UBXN4: variants seen among roughly 807,000 people sequenced by gnomAD.
UBXN4 encodes UBX domain protein 4.
A neutral mutation model predicts 66.2 loss-of-function variants in UBXN4; 35 were observed. That is an observed-to-expected ratio of 0.53 (90% CI 0.40 to 0.70). UBXN4 has a LOEUF of 0.70. Ranked by LOEUF, UBXN4 falls within the 30% of genes least tolerant of loss-of-function variation. UBXN4 has a pLI of 0.00. For synonymous variants in UBXN4, 203 were observed against 204.5 expected, an observed-to-expected ratio of 0.99 and a Z score of 0.06; for missense variants, 533 against 599.8, an observed-to-expected ratio of 0.89 and a Z score of 1.16.
intron 6 of UBXN4, among the ~76,000 whole-genome samples, chr2:135,765,249 G>A (rs1320405231): frequency 1.4e-5 from 2 of 145,740 alleles, no homozygotes; most frequent in African/African-American, 5.1e-5. Flanking sequence ...TGCTCTTGTC[G>A]CCCAAGCTGG....
chr2:135,756,222 T>G (rs1290302930), intron 5 of UBXN4, among the ~76,000 whole-genome samples: 1 of 152,132 alleles, frequency 6.6e-6, no homozygotes, highest in Admixed American at 6.6e-5. Context: ...TGGAGTTGTT[T>G]GGTGTAATAT....
rs531946665 is a variant in UBXN4, at chr2:135,764,942, T to C, written c.602+3031T>C. Among the ~76,000 whole-genome samples the C allele has an allele frequency of 3.3e-5, 5 of 152,148 alleles. No homozygotes were observed. In the South Asian group the frequency reaches 8.3e-4, roughly 25 times the overall value. On this transcript the variant is annotated intron_variant, in intron 6 of 12. Coordinates refer to ENST00000272638, the MANE Select transcript of UBXN4 (RefSeq NM_014607.4). ...GGTCCTCGTACCTCAGCTTCCTGAG[T>C]ATCTGGGATTACAGGTATGCGCCAC... is the stretch of plus-strand genomic sequence containing the variant.
At chr2:135,745,559 G>A (rs911740204) in intron 1 of UBXN4, among the ~76,000 whole-genome samples, 1 of 152,102 alleles carries the variant, frequency 6.6e-6, no homozygotes, top group Non-Finnish European at 1.5e-5. Context: ...ACAGTTCAAT[G>A]CCTAGAACAA....
chr2:135,761,801 T>G lies in UBXN4; in HGVS notation c.509-17T>G. The G allele has an allele frequency of 6.3e-7, 1 of 1,577,124 alleles. No individual in the cohort carries two copies. The highest frequency in any genetic ancestry group is 1.2e-5 in the South Asian group (1 of 84,304). ...ATTAAATGCAGTATTCTTATTTCTT[T>G]TTATTTAATAATTAAGGAGGAGAAA... On this transcript the variant is annotated splice_polypyrimidine_tract_variant and intron_variant, in intron 5 of 12. Coordinates refer to ENST00000272638, the MANE Select transcript of UBXN4 (RefSeq NM_014607.4).
At chr2:135,758,951 G>A (rs1241037392) in intron 5 of UBXN4, among the ~76,000 whole-genome samples, 2 of 152,102 alleles carry the variant, frequency 1.3e-5, no homozygotes, top group African/African-American at 4.8e-5. Flanking sequence ...TAGAGACGGG[G>A]TTTCACCATG....
At position 135,780,352 on chromosome 2, in the gene UBXN4, C is replaced by A; in HGVS notation, c.1355C>A (p.Pro452Gln). ...GTGAGAGTAACATCGTCAGAACCCC[C>A]AAACCCTGCATCATCTAGCAAATCA... is the stretch of plus-strand genomic sequence containing the variant. ...TSVRVTSSEP[P>Q]NPASSSKSEK... is the part of the protein sequence containing the mutation. Residue 452 changes from proline (P) to glutamine (Q), a missense_variant, in exon 12 of 13, where the codon CCA becomes CAA. By Grantham distance (76) the Pro-to-Gln change is moderately conservative. Transcript: ENST00000272638. The A allele has an allele frequency of 6.2e-7, 1 of 1,614,156 alleles. No homozygotes were observed. Among genetic ancestry groups the A allele is most frequent in the African/African-American group, 1.3e-5 (1 of 75,048 alleles).
At chr2:135,760,633 A>G (rs1198858985) in intron 5 of UBXN4, among the ~76,000 whole-genome samples, 1 of 152,140 alleles carries the variant, frequency 6.6e-6, no homozygotes, top group Non-Finnish European at 1.5e-5. Context: ...TATCTTCATA[A>G]GATGTTAAAT....
chr2:135,761,871 G>A lies in UBXN4; in HGVS notation c.562G>A (p.Asp188Asn), dbSNP rs1288787752. The A allele has an allele frequency of 6.2e-7, 1 of 1,613,710 alleles. No individual in the cohort carries two copies. Among genetic ancestry groups the A allele is most frequent in the African/African-American group, 1.3e-5 (1 of 74,928 alleles). The change falls in exon 6 of 13, where the codon GAT (aspartate) becomes AAT (asparagine). Residue 188 changes from aspartate (D) to asparagine (N), a missense_variant. Transcript: ENST00000272638. ...TSSQEPSGCS[D>N]QRPAEDLNIR... Reference sequence around the variant, plus strand: ...CTCTCAGGAGCCTAGTGGATGCTCAGATCAGAGACCTGCAGAGGACCTCAA... The same window carrying A: ...CTCTCAGGAGCCTAGTGGATGCTCAAATCAGAGACCTGCAGAGGACCTCAA...
intron 1 of UBXN4, among the ~76,000 whole-genome samples, chr2:135,747,076 T>G (rs2077211632): frequency 6.6e-6 from 1 of 152,132 alleles, no homozygotes; most frequent in Non-Finnish European, 1.5e-5. Flanking sequence ...ACTAGTTTTT[T>G]GGCCTGAGAA....
At chr2:135,774,385 A>G (rs979307878) in intron 9 of UBXN4, among the ~76,000 whole-genome samples, 2 of 152,246 alleles carry the variant, frequency 1.3e-5, no homozygotes, top group African/African-American at 4.8e-5. Flanking sequence ...AAGTAAAACT[A>G]TAAAATATAT....
chr2:135,761,958 G>A (rs1412059180), intron 6 of UBXN4, 47 bp downstream of exon 6: 1 of 1,535,290 alleles, frequency 6.5e-7, no homozygotes. Context: ...AAAGACAGTG[G>A]TTTTCAGTTA....
chr2:135,777,176 A>G, intron 10 of UBXN4, among the ~76,000 whole-genome samples: 1 of 152,332 alleles, frequency 6.6e-6, no homozygotes, highest in Middle Eastern at 3.4e-3. Context: ...TGGAGTATAT[A>G]TCTTGAGATA....
chr2:135,760,151 C>T (rs543086988), intron 5 of UBXN4, among the ~76,000 whole-genome samples: 1 of 152,230 alleles, frequency 6.6e-6, no homozygotes, highest in South Asian at 2.1e-4. Context: ...CATAAAGTTA[C>T]ACATGGGCCA....
At position 135,784,571 on chromosome 2, in the gene UBXN4, A is replaced by G. The variant is rs1360267093; in HGVS notation, c.*1684A>G. The stretch of plus-strand genomic sequence containing the variant: ...TGTTTTCCAAACTTTCAGCAGTGAT[A>G]TTATTTCCATAACTTAAAAAGTGAG... On this transcript the variant is annotated 3_prime_UTR_variant, in exon 13 of 13. Transcript: ENST00000272638. The G allele has an allele frequency of 6.6e-6, 1 of 152,630 alleles. No homozygotes were observed. The highest frequency in any genetic ancestry group is 1.5e-5 in the Non-Finnish European group (1 of 68,036). 9.5% of individuals were successfully genotyped at this position (152,630 alleles called of 1,614,324 possible). A position where few individuals can be genotyped will look rare whatever the true frequency, so the allele number is the denominator to read the frequency against.
intron 6 of UBXN4, among the ~76,000 whole-genome samples, chr2:135,762,854 C>T (rs1000882363): frequency 2.0e-5 from 3 of 152,160 alleles, no homozygotes; most frequent in African/African-American, 7.2e-5. Context: ...GCCCACTACT[C>T]TGTACCTTTA....
intron 9 of UBXN4, 34 bp from the exon 10 acceptor site, chr2:135,776,215 T>C: frequency 6.5e-7 from 1 of 1,537,416 alleles, no homozygotes; most frequent in Non-Finnish European, 9.0e-7. Context: ...TATATAGAGG[T>C]GAAGATTGTG....
At chr2:135,756,065 G>C in intron 5 of UBXN4, among the ~76,000 whole-genome samples, 1 of 152,088 alleles carries the variant, frequency 6.6e-6, no homozygotes, top group East Asian at 1.9e-4. Flanking sequence ...CATGTAAAAA[G>C]CTATATAAAT....
At chr2:135,752,971 G>T (rs897749415) in intron 2 of UBXN4, among the ~76,000 whole-genome samples, 4 of 146,048 alleles carry the variant, frequency 2.7e-5, no homozygotes, top group African/African-American at 1.0e-4. Context: ...ACCCGCCTTG[G>T]CCTCCCAAAG....
chr2:135,745,384 A>T (rs1433861573), intron 1 of UBXN4, among the ~76,000 whole-genome samples: 4 of 152,114 alleles, frequency 2.6e-5, no homozygotes, highest in African/African-American at 9.7e-5. Flanking sequence ...GGCTTCTCTG[A>T]CCATTATAAA....
Sources: allele counts gnomAD v4.1 joint callset (sites outside exome capture counted in the v4.1 genomes callset), GRCh38; gene constraint gnomAD v4.1.1; transcripts MANE v1.5; gene names NCBI Gene and HGNC (gene_info 2026-07-23, HGNC 2026-07-21).